HMGN3: variants seen among roughly 807,000 people sequenced by gnomAD.
HMGN3 encodes high mobility group nucleosomal binding domain 3, also known as high mobility group nucleosome-binding domain-containing protein 3.
In HMGN3, 6 loss-of-function variants were observed where a neutral mutation model predicts 18.8. That is an observed-to-expected ratio of 0.32 (90% CI 0.18 to 0.63). The LOEUF (loss-of-function observed/expected upper bound fraction) is 0.63. HMGN3 is among the 30% of genes least tolerant of loss of function. The pLI is 0.79. For missense variants in HMGN3, 107 were observed against 114.2 expected, an observed-to-expected ratio of 0.94 and a Z score of 0.29; for synonymous variants, 40 against 36.5, an observed-to-expected ratio of 1.10 and a Z score of -0.35.
intron 3 of HMGN3, among the ~76,000 whole-genome samples, chr6:79,206,656 G>A (rs1287866126): frequency 6.6e-6 from 1 of 152,254 alleles, no homozygotes; most frequent in African/African-American, 2.4e-5. Context: ...ATGTGGGGTT[G>A]AAGCCCTCAC....
Position 79,224,616 on chromosome 6 carries a change from AGT to A in HMGN3, c.16-9596_16-9595del, listed in dbSNP as rs1288147662. On this transcript the variant is annotated intron_variant, in intron 1 of 5. Coordinates refer to ENST00000344726, the Ensembl canonical transcript of HMGN3. ...ATTTTTTGTAGTACTTTACATGTTC[AGT>A]GTGCTTCCATATGGTTGTTGCATTT... 1.2e-4 allele frequency among the ~76,000 whole-genome samples: 19 copies of A among 152,330 alleles called. 1 individual carries two copies. Among genetic ancestry groups the A allele is most frequent in the Non-Finnish European group, 2.5e-4 (17 of 68,028 alleles).
intron 1 of HMGN3, chr6:79,234,162 C>G (rs914095697): frequency 1.0e-5 from 2 of 192,262 alleles, no homozygotes; most frequent in Non-Finnish European, 2.1e-5. Flanking sequence ...TACGCTTGTA[C>G]TTGTTTTTCT....
At chr6:79,204,407 T>C (rs972324211) in intron 3 of HMGN3, among the ~76,000 whole-genome samples, 7 of 152,226 alleles carry the variant, frequency 4.6e-5, no homozygotes, top group East Asian at 1.9e-4. Context: ...CGTGTGACCA[T>C]GGACCCTCTG....
chr6:79,219,112 A>G (rs1777144245), intron 1 of HMGN3, among the ~76,000 whole-genome samples: 1 of 152,162 alleles, frequency 6.6e-6, no homozygotes, highest in African/African-American at 2.4e-5. Flanking sequence ...CAGATTGAAC[A>G]CTCACACCAA....
chr6:79,233,270 T>C (rs1366338646), intron 1 of HMGN3, among the ~76,000 whole-genome samples: 2 of 152,244 alleles, frequency 1.3e-5, no homozygotes, highest in Non-Finnish European at 2.9e-5. Flanking sequence ...GGACACAGTA[T>C]GTGCACAACA....
chr6:79,219,736 T>C (rs935495420), intron 1 of HMGN3, among the ~76,000 whole-genome samples: 10 of 152,188 alleles, frequency 6.6e-5, no homozygotes, highest in Non-Finnish European at 1.2e-4. Flanking sequence ...TATTTCACCC[T>C]GTAATTAATG....
At chr6:79,232,510 C>T (rs920979913) in intron 1 of HMGN3, among the ~76,000 whole-genome samples, 3 of 152,128 alleles carry the variant, frequency 2.0e-5, no homozygotes, top group African/African-American at 7.2e-5. Flanking sequence ...CAGTTTTGCC[C>T]CTAGTCTCAG....
chr6:79,214,884 C>A, intron 2 of HMGN3, 88 bp downstream of exon 2: 1 of 773,088 alleles, frequency 1.3e-6, no homozygotes, highest in South Asian at 1.6e-5. Context: ...ATACAATTGT[C>A]CGCATTTCAT....
intron 1 of HMGN3, among the ~76,000 whole-genome samples, chr6:79,218,146 T>A (rs1191512187): frequency 2.0e-5 from 3 of 152,252 alleles, no homozygotes; most frequent in Non-Finnish European, 4.4e-5. Context: ...GATACTCCTG[T>A]ATGCTCTCAC....
intron 2 of HMGN3, 104 bp from the exon 3 acceptor site, chr6:79,208,680 A>G (rs1776539287): frequency 4.5e-6 from 4 of 885,086 alleles, no homozygotes; most frequent in Admixed American, 1.7e-5. Flanking sequence ...TTGAATGACT[A>G]TAATGTATGA....
At chr6:79,233,246 C>T (rs1169951834) in intron 1 of HMGN3, among the ~76,000 whole-genome samples, 1 of 152,204 alleles carries the variant, frequency 6.6e-6, no homozygotes, top group Non-Finnish European at 1.5e-5. Flanking sequence ...AAGTCAAATT[C>T]TGCACAGCGT....
At chr6:79,221,014 T>C (rs1190076292) in intron 1 of HMGN3, among the ~76,000 whole-genome samples, 1 of 152,164 alleles carries the variant, frequency 6.6e-6, no homozygotes, top group African/African-American at 2.4e-5. Context: ...TAAATAGGTA[T>C]ATTATATTAT....
In HMGN3 at chr6:79,226,089, T is replaced by C. The variant is rs1005186298; in HGVS notation, c.15+8457A>G. On this transcript the variant is annotated intron_variant, in intron 1 of 5. Coordinates refer to ENST00000344726, the Ensembl canonical transcript of HMGN3. Reference sequence around the variant, plus strand: ...ATATACAGAAAGTATTATGGTGTAATAGTTAACAGCAAAATTCCTGAGTAA... The same window carrying C: ...ATATACAGAAAGTATTATGGTGTAACAGTTAACAGCAAAATTCCTGAGTAA... 3.9e-5 allele frequency among the ~76,000 whole-genome samples: 6 copies of C among 152,356 alleles called. No individual in the cohort carries two copies. In the East Asian group the frequency reaches 1.2e-3, roughly 29 times the overall value.
At chr6:79,208,033 TG>T (rs1776503971) in intron 3 of HMGN3, among the ~76,000 whole-genome samples, 1 of 152,126 alleles carries the variant, frequency 6.6e-6, no homozygotes, top group African/African-American at 2.4e-5. Flanking sequence ...CATCTCAGCT[TG>T]TATCCTAACC....
intron 1 of HMGN3, among the ~76,000 whole-genome samples, chr6:79,218,626 A>C (rs1582426520): frequency 6.6e-6 from 1 of 152,322 alleles, no homozygotes. Context: ...AAAGCATAAC[A>C]AATGATAACT....
intron 4 of HMGN3, among the ~76,000 whole-genome samples, chr6:79,202,766 G>T (rs1561981063): frequency 6.6e-6 from 1 of 152,174 alleles, no homozygotes; most frequent in African/African-American, 2.4e-5. Context: ...AACCCAGCCA[G>T]GGGGTGGCTC....
chr6:79,201,586 T>A (rs1024002247), exon 6 of HMGN3: 2 of 812,320 alleles, frequency 2.5e-6, no homozygotes, highest in Non-Finnish European at 4.2e-6. Flanking sequence ...TGCCAACTAG[T>A]AGAGTCCTAA....
chr6:79,201,505 TGAG>T (rs1395572350), exon 6 of HMGN3: 1 of 553,736 alleles, frequency 1.8e-6, no homozygotes, highest in Non-Finnish European at 3.2e-6. Context: ...TTATTTTACT[TGAG>T]GATGATGTAA....
At chr6:79,208,789 T>TA (rs1776545046) in intron 2 of HMGN3, among the ~76,000 whole-genome samples, 1 of 152,132 alleles carries the variant, frequency 6.6e-6, no homozygotes, top group South Asian at 2.1e-4. Flanking sequence ...GGGGTAGGTA[T>TA]ACTGTTCAAA....
Sources: allele counts gnomAD v4.1 joint callset (sites outside exome capture counted in the v4.1 genomes callset), GRCh38; gene constraint gnomAD v4.1.1; transcripts MANE v1.5; gene names NCBI Gene and HGNC (gene_info 2026-07-23, HGNC 2026-07-21).